PTPRN2: variants seen among roughly 807,000 people sequenced by gnomAD.
PTPRN2 encodes the protein protein tyrosine phosphatase receptor type N2, also known as receptor-type tyrosine-protein phosphatase N2.
A neutral mutation model predicts 118.8 loss-of-function variants in PTPRN2; 74 were observed. The observed-to-expected ratio is 0.62, with a 90% confidence interval of 0.52 to 0.76. The LOEUF is 0.76. Ranked by LOEUF, PTPRN2 falls within the 30% of genes least tolerant of loss-of-function variation. PTPRN2 has a pLI of 0.00. For synonymous variants in PTPRN2, 641 were observed against 608.0 expected, an observed-to-expected ratio of 1.05 and a Z score of -0.80; for missense variants, 1,481 against 1,394.4, an observed-to-expected ratio of 1.06 and a Z score of -0.99.
At chr7:158,332,556 G>A (rs1375436506) in intron 2 of PTPRN2, among the ~76,000 whole-genome samples, 3 of 150,340 alleles carry the variant, frequency 2.0e-5, no homozygotes, top group Non-Finnish European at 4.4e-5. Flanking sequence ...CTCACCATAA[G>A]AGGTGACACC....
intron 11 of PTPRN2, among the ~76,000 whole-genome samples, chr7:158,002,450 G>T (rs1805333647): frequency 1.3e-5 from 2 of 152,196 alleles, no homozygotes; most frequent in South Asian, 4.1e-4. Flanking sequence ...AGTCACTTTT[G>T]TTGCCCGAAT....
At chr7:157,776,434 T>G in intron 12 of PTPRN2, among the ~76,000 whole-genome samples, 1 of 55,960 alleles carries the variant, frequency 1.8e-5, no homozygotes. Flanking sequence ...CTCCTCTGTC[T>G]CTCCTCTTCC....
chr7:158,154,442 G>A (rs1263285864), intron 6 of PTPRN2, among the ~76,000 whole-genome samples: 42 of 152,294 alleles, frequency 2.8e-4, no homozygotes, highest in East Asian at 5.8e-4. Context: ...TTCTAACACC[G>A]CTGTAACATT....
intron 15 of PTPRN2, among the ~76,000 whole-genome samples, chr7:157,605,583 A>T (rs1801957568): frequency 6.6e-6 from 1 of 152,210 alleles, no homozygotes; most frequent in African/African-American, 2.4e-5. Context: ...GTATGGAGAC[A>T]AGTGGAGGAT....
intron 12 of PTPRN2, among the ~76,000 whole-genome samples, chr7:157,751,901 CCGCTTTT>C (rs1801492086): frequency 6.6e-6 from 1 of 152,128 alleles, no homozygotes; most frequent in East Asian, 1.9e-4. Flanking sequence ...GAACACATCT[CCGCTTTT>C]CGCTATGGGC....
At chr7:158,489,831 G>T in intron 1 of PTPRN2, 46 bp from the exon 2 acceptor site, 1 of 1,535,708 alleles carries the variant, frequency 6.5e-7, no homozygotes, top group South Asian at 1.2e-5. Context: ...AGGGGAGGAG[G>T]GGGGTGCCCC....
At chr7:158,152,341 G>T (rs1309651735) in intron 6 of PTPRN2, among the ~76,000 whole-genome samples, 2 of 152,180 alleles carry the variant, frequency 1.3e-5, no homozygotes, top group African/African-American at 4.8e-5. Flanking sequence ...AGGCCTGAGG[G>T]AGGTGAGCAT....
intron 5 of PTPRN2, among the ~76,000 whole-genome samples, chr7:158,167,595 A>G (rs757195895): frequency 6.6e-5 from 10 of 152,208 alleles, no homozygotes; most frequent in Non-Finnish European, 1.3e-4. Flanking sequence ...GTGTATTCAG[A>G]GTTGTGAGAC....
intron 12 of PTPRN2, among the ~76,000 whole-genome samples, chr7:157,742,560 G>A (rs1050949899): frequency 2.6e-5 from 4 of 151,996 alleles, no homozygotes; most frequent in African/African-American, 9.7e-5. Context: ...GGATGGCAGG[G>A]CAGCATTTTG....
intron 17 of PTPRN2, among the ~76,000 whole-genome samples, chr7:157,580,386 G>A (rs1800281868): frequency 1.3e-5 from 2 of 152,014 alleles, no homozygotes; most frequent in South Asian, 4.1e-4. Flanking sequence ...GTTTGGTGAA[G>A]GGTAAGAGAA....
chr7:158,275,677 A>T (rs114403024), intron 3 of PTPRN2, among the ~76,000 whole-genome samples: 1,837 of 152,324 alleles, frequency 0.012, 42 homozygotes, highest in African/African-American at 0.04. Context: ...CTTTGGTGAG[A>T]ATCGAGGTAC....
intron 3 of PTPRN2, among the ~76,000 whole-genome samples, chr7:158,220,239 C>A (rs1367538351): frequency 6.6e-6 from 1 of 152,078 alleles, no homozygotes; most frequent in Non-Finnish European, 1.5e-5. Flanking sequence ...AAGTTGGAAG[C>A]ATTTCCTGTG....
intron 11 of PTPRN2, among the ~76,000 whole-genome samples, chr7:157,900,695 C>T (rs547079416): frequency 1.4e-4 from 21 of 152,334 alleles, no homozygotes; most frequent in Non-Finnish European, 1.2e-4. Flanking sequence ...GAAGCTCAGG[C>T]CCTACATGTG....
intron 11 of PTPRN2, among the ~76,000 whole-genome samples, chr7:158,055,027 G>A (rs1469370181): frequency 6.6e-6 from 1 of 152,246 alleles, no homozygotes; most frequent in Non-Finnish European, 1.5e-5. Context: ...GCAAGAGACT[G>A]AGGGCACGAA....
intron 11 of PTPRN2, among the ~76,000 whole-genome samples, chr7:158,008,489 C>T (rs369291189): frequency 1.3e-5 from 2 of 152,236 alleles, no homozygotes; most frequent in African/African-American, 2.4e-5. Context: ...GCGGCTTACA[C>T]GGCGGAAACA....
At position 158,329,992 on chromosome 7, in the gene PTPRN2, C is replaced by T. The variant is rs1007405334; in HGVS notation, c.164-13060G>A. Among the ~76,000 whole-genome samples, 100 of 146,028 alleles carry T rather than the reference C, an allele frequency of 6.8e-4. 1 individual carries two copies. The highest frequency in any genetic ancestry group is 2.4e-3 in the African/African-American group (95 of 39,828). ...CGACTCTCACCATAAGAGCTCACGCCCGCAGACGACACTCACACCCACACT... is the reference window on the plus strand; with the variant it reads ...CGACTCTCACCATAAGAGCTCACGCTCGCAGACGACACTCACACCCACACT... On this transcript the variant is annotated intron_variant, in intron 2 of 22. Coordinates refer to ENST00000389418, the MANE Select transcript of PTPRN2 (RefSeq NM_002847.5).
chr7:157,701,331 C>T (rs1014870718), intron 12 of PTPRN2, among the ~76,000 whole-genome samples: 5 of 152,330 alleles, frequency 3.3e-5, no homozygotes, highest in Non-Finnish European at 7.4e-5. Context: ...GTCTGAGCTC[C>T]GCGGGTCTCC....
intron 2 of PTPRN2, among the ~76,000 whole-genome samples, chr7:158,471,687 CA>C (rs1298177209): frequency 6.7e-6 from 1 of 148,666 alleles, no homozygotes; most frequent in African/African-American, 2.5e-5. Context: ...GACTCCGTCT[CA>C]AAAAAACAAA....
At chr7:158,428,236 A>G (rs1166874553) in intron 2 of PTPRN2, among the ~76,000 whole-genome samples, 2 of 152,128 alleles carry the variant, frequency 1.3e-5, no homozygotes, top group African/African-American at 2.4e-5. Context: ...AAAAACATTC[A>G]TTTTTAACAG....
Sources: gnomAD v4.1 joint callset for allele counts (sites outside exome capture counted in the v4.1 genomes callset) on GRCh38, gnomAD v4.1.1 for gene constraint, MANE v1.5 for transcripts, NCBI Gene and HGNC (gene_info 2026-07-23, HGNC 2026-07-21) for gene names.